The following KLHL33 variants were observed in gnomAD, a reference collection of about 807,000 sequenced individuals.
KLHL33 encodes the protein kelch-like protein 33.
Under a neutral mutation model 60.8 loss-of-function variants are expected in KLHL33, and 46 were observed. The ratio of observed to expected loss-of-function variants is 0.76; its 90% CI spans 0.60 to 0.97. The LOEUF (loss-of-function observed/expected upper bound fraction) is 0.97, where lower values mean the gene tolerates loss of function less well. KLHL33 is among the 50% of genes least tolerant of loss of function. KLHL33 has a pLI of 0.00. For missense variants in KLHL33, 1,055 were observed against 1,000.0 expected (o/e 1.05, Z -0.74); for synonymous variants, 434 against 432.2 (o/e 1.00, Z -0.05).
chr14:20,429,166 T>G lies in KLHL33; in HGVS notation c.2077A>C (p.Thr693Pro). 6.4e-7 allele frequency: 1 copy of G among 1,551,584 alleles called. No individual in the cohort carries two copies. The highest frequency in any genetic ancestry group is 8.7e-7 in the Non-Finnish European group (1 of 1,146,968). Residue 693 changes from threonine to proline, a missense_variant, in exon 5 of 5, where the codon ACT (threonine) becomes CCT (proline). Thr to Pro is a conservative substitution (Grantham distance 38). Transcript: ENST00000636854. ...RLYVAGGLGE[T>P]EDLLSFEAYE... is the part of the protein sequence containing the mutation. ...GCCTCAAAGCTTAGCAGGTCCTCAG[T>G]CTCACCCAGCCCACCTGCCACATAC...
chr14:20,430,477 C>G lies in KLHL33; in HGVS notation c.991G>C (p.Ala331Pro). The change falls in exon 3 of 5, where the codon GCA (alanine) becomes CCA (proline). Residue 331 changes from alanine to proline, a missense_variant. Coordinates refer to ENST00000636854, the MANE Select transcript of KLHL33 (RefSeq NM_001365790.2). ...CAACGGGCAGGGCTGAGGCCCCGTG[C>G]CAAGCCTTTCTGACACAAATCCAAG... ...SCLDLCQKGL[A>P]RGLSPARCLA... The G allele has an allele frequency of 2.6e-6, 4 of 1,551,022 alleles. No homozygotes were observed. The highest frequency in any genetic ancestry group is 3.5e-6 in the Non-Finnish European group (4 of 1,147,020).
Position 20,430,705 on chromosome 14 carries a change from G to A in KLHL33, c.763C>T (p.Leu255=). The change falls in exon 3 of 5, where the codon CTG becomes TTG. Residue 255 remains leucine (L), a synonymous_variant. Transcript: ENST00000636854. ...GCQLSVHRAA[L]ACGSEFFGAM... ...CCAAAGAACTCACTGCCACAGGCCA[G>A]GGCGGCTCGGTGCACTGCAGGAGGG... The A allele has an allele frequency of 6.6e-7, 1 of 1,521,212 alleles. No individual in the cohort carries two copies. Among genetic ancestry groups the A allele is most frequent in the Non-Finnish European group, 8.8e-7 (1 of 1,138,942 alleles). The allele number at this position is 1,521,212 out of a possible 1,614,324, so 94.2% of individuals were successfully genotyped here. A position where few individuals can be genotyped will look rare whatever the true frequency, so the allele number is the denominator to read the frequency against.
chr14:20,429,300 A>T lies in KLHL33; in HGVS notation c.1943T>A (p.Leu648Gln), dbSNP rs1015514786. 6.4e-7 allele frequency: 1 copy of T among 1,551,692 alleles called. No homozygotes were observed. The highest frequency in any genetic ancestry group is 8.7e-7 in the Non-Finnish European group (1 of 1,146,992). ...GGGGTCATAGTGCATCAGTGAGGCC[A>T]GGTATTGGCCAGTCCCACCACAGCC... ...SGGCGGTGQY[L>Q]ASLMHYDPKL... Residue 648 changes from leucine to glutamine, a missense_variant, in exon 5 of 5, where the codon CTG (leucine) becomes CAG (glutamine). Transcript: ENST00000636854.
Position 20,429,638 on chromosome 14 carries a change from T to A in KLHL33, c.1705A>T (p.Met569Leu). 6.4e-7 allele frequency: 1 copy of A among 1,551,780 alleles called. No homozygotes were observed. The highest frequency in any genetic ancestry group is 8.7e-7 in the Non-Finnish European group (1 of 1,147,016). Residue 569 changes from methionine to leucine, a missense_variant, in exon 4 of 5, where the codon ATG (methionine) becomes TTG (leucine). Transcript: ENST00000636854. Reference sequence around the variant, plus strand: ...CTTCGAGCCTGGGACAAAGGAGCCATCTCCTCCCAGTCCTCTTGACTGGGC... The same window carrying A: ...CTTCGAGCCTGGGACAAAGGAGCCAACTCCTCCCAGTCCTCTTGACTGGGC... ...WEPSQEDWEE[M>L]APLSQARSLF... is the part of the protein sequence containing the mutation.
chr14:20,432,563 A>G (rs1185475538), intron 2 of KLHL33, among the ~76,000 whole-genome samples: 2 of 152,182 alleles, frequency 1.3e-5, no homozygotes, highest in East Asian at 3.8e-4. Flanking sequence ...CCTGGGTTGA[A>G]CAAACTCACT....
intron 2 of KLHL33, among the ~76,000 whole-genome samples, chr14:20,432,191 T>C (rs192815583): frequency 6.6e-6 from 1 of 152,060 alleles, no homozygotes; most frequent in Non-Finnish European, 1.5e-5. Context: ...CTCGGCTCAC[T>C]GCAACCTCCA....
intron 3 of KLHL33, 43 bp downstream of exon 3, chr14:20,429,752 C>A: frequency 6.6e-7 from 1 of 1,523,432 alleles, no homozygotes; most frequent in Non-Finnish European, 8.8e-7. Context: ...TCCCTGCCCA[C>A]CTTAGGGCCT....
chr14:20,430,165 C>T lies in KLHL33; in HGVS notation c.1303G>A (p.Glu435Lys). ...CVRFGRMSTR[E>K]LRRVRAAGLL... is the part of the protein sequence containing the mutation. The stretch of plus-strand genomic sequence containing the variant: ...CCGGCTGCCCGCACCCTCCGCAACT[C>T]CCTGGTGGACATGCGGCCAAAGCGG... Residue 435 changes from glutamate to lysine, a missense_variant, in exon 3 of 5, where the codon GAG becomes AAG. Glu to Lys is a moderately conservative substitution (Grantham distance 56). Transcript: ENST00000636854. The T allele has an allele frequency of 6.4e-7, 1 of 1,551,582 alleles. No homozygotes were observed. The highest frequency in any genetic ancestry group is 8.7e-7 in the Non-Finnish European group (1 of 1,147,000).
In KLHL33 at chr14:20,430,609, C is replaced by T. The variant is rs1880479610; in HGVS notation, c.859G>A (p.Asp287Asn). The T allele has an allele frequency of 6.5e-7, 1 of 1,536,636 alleles. No homozygotes were observed. The highest frequency in any genetic ancestry group is 1.2e-5 in the South Asian group (1 of 84,034). The change falls in exon 3 of 5, where the codon GAC (aspartate) becomes AAC (asparagine). Residue 287 changes from aspartate (D) to asparagine (N), a missense_variant. Coordinates refer to ENST00000636854, the MANE Select transcript of KLHL33 (RefSeq NM_001365790.2). The stretch of plus-strand genomic sequence containing the variant: ...GCAAAAGAGACGAGGAGTCGCAGGT[C>T]CTGGGTGGAGATCGTCCGCAGAGAT... ...EVSLRTISTQ[D>N]LRLLVSFAYS...
At chr14:20,431,683 C>T (rs915575229) in intron 2 of KLHL33, among the ~76,000 whole-genome samples, 11 of 152,204 alleles carry the variant, frequency 7.2e-5, no homozygotes, top group Non-Finnish European at 1.3e-4. Context: ...GCTGAGACTG[C>T]GCCGCTGCAC....
intron 2 of KLHL33, 57 bp from the exon 3 acceptor site, chr14:20,430,776 A>C: frequency 8.0e-7 from 1 of 1,251,696 alleles, no homozygotes; most frequent in Non-Finnish European, 1.1e-6. Flanking sequence ...ACCGATAGGC[A>C]TTACCCCAAC....
At chr14:20,432,960 A>AAGAAAGAAAGAG (rs1880563756) in intron 2 of KLHL33, among the ~76,000 whole-genome samples, 2 of 151,530 alleles carry the variant, frequency 1.3e-5, no homozygotes, top group African/African-American at 4.9e-5. Flanking sequence ...GAAAGAAAGA[A>AAGAAAGAAAGAG]AGAAAGAAAG....
In KLHL33 at chr14:20,428,612, A is replaced by C; in HGVS notation, c.*237T>G. 1 of 505,536 alleles carries C rather than the reference A, an allele frequency of 2.0e-6. No homozygotes were observed. Among genetic ancestry groups the C allele is most frequent in the Non-Finnish European group, 3.5e-6 (1 of 284,098 alleles). The allele number at this position is 505,536 out of a possible 1,614,324, so 31.3% of individuals were successfully genotyped here. ...CCTAAGCCTTGTGGAGTTGCTCCCG[A>C]GTCTCCTTTCCTCACCTGGGTATTC... is the stretch of plus-strand genomic sequence containing the variant. On this transcript the variant is annotated 3_prime_UTR_variant, in exon 5 of 5. Transcript: ENST00000636854.
At position 20,427,583 on chromosome 14, in the gene KLHL33, C is replaced by T. The variant is rs1464875222; in HGVS notation, c.*1266G>A. 6.6e-6 allele frequency: 1 copy of T among 152,226 alleles called. No individual in the cohort carries two copies. The highest frequency in any genetic ancestry group is 1.9e-4 in the East Asian group (1 of 5,194). 9.4% of individuals were successfully genotyped at this position (152,226 alleles called of 1,614,324 possible). A position where few individuals can be genotyped will look rare whatever the true frequency, so the allele number is the denominator to read the frequency against. On this transcript the variant is annotated 3_prime_UTR_variant, in exon 5 of 5. Transcript: ENST00000636854. ...ATACACCCATCGGATGACACCTTTC[C>T]TAACAGAAGCCTTCCTGAGCAGAGT... is the stretch of plus-strand genomic sequence containing the variant.
At position 20,429,782 on chromosome 14, in the gene KLHL33, T is replaced by C. The variant is rs1880429377; in HGVS notation, c.1673+13A>G. 6.6e-7 allele frequency: 1 copy of C among 1,526,342 alleles called. No individual in the cohort carries two copies. 94.5% of individuals were successfully genotyped at this position (1,526,342 alleles called of 1,614,324 possible). A position where few individuals can be genotyped will look rare whatever the true frequency, so the allele number is the denominator to read the frequency against. On this transcript the variant is annotated intron_variant, in intron 3 of 4. Transcript: ENST00000636854. ...GGGCCTGCCACACCCTGCCCACTCC[T>C]AGAAGCTTATACCTGAGAGTTGAAG...
intron 2 of KLHL33, among the ~76,000 whole-genome samples, chr14:20,431,240 A>T (rs1566500933): frequency 6.6e-6 from 1 of 152,210 alleles, no homozygotes; most frequent in South Asian, 2.1e-4. Context: ...GGAAAGTGGC[A>T]CCACTCGGGA....
chr14:20,433,262 T>C (rs1200824506), intron 2 of KLHL33, among the ~76,000 whole-genome samples: 1 of 152,212 alleles, frequency 6.6e-6, no homozygotes, highest in East Asian at 1.9e-4. Context: ...ATTCTTGGTT[T>C]TGTAAAATGC....
At chr14:20,431,309 A>C (rs1333520755) in intron 2 of KLHL33, among the ~76,000 whole-genome samples, 1 of 152,202 alleles carries the variant, frequency 6.6e-6, no homozygotes, top group African/African-American at 2.4e-5. Context: ...TTTAGTGTTT[A>C]ATGTTTTCCG....
Position 20,428,843 on chromosome 14 carries a change from C to T in KLHL33, c.*6G>A, listed in dbSNP as rs1594395569. 9.7e-6 allele frequency: 15 copies of T among 1,547,294 alleles called. No individual in the cohort carries two copies. Among genetic ancestry groups the T allele is most frequent in the Non-Finnish European group, 1.1e-5 (13 of 1,143,722 alleles). On this transcript the variant is annotated 3_prime_UTR_variant, in exon 5 of 5. Transcript: ENST00000636854. ...CCTCCTCTCCCCATACACTGTTGCT[C>T]CCTCTTCACCCAGCAGGTTTGGTTT...
Sources: allele counts gnomAD v4.1 joint callset (sites outside exome capture counted in the v4.1 genomes callset), GRCh38; gene constraint gnomAD v4.1.1; transcripts MANE v1.5; gene names NCBI Gene and HGNC (gene_info 2026-07-23, HGNC 2026-07-21).